TMPRSS11F: variants seen among roughly 807,000 people sequenced by gnomAD.
TMPRSS11F encodes transmembrane protease serine 11F.
In TMPRSS11F, 47 loss-of-function variants were observed where a neutral mutation model predicts 60.2. The ratio of observed to expected loss-of-function variants is 0.78; its 90% CI spans 0.62 to 1.00. TMPRSS11F has a LOEUF of 1.00. Among genes scored for constraint, TMPRSS11F ranks in the 50% least tolerant of loss-of-function variants. The pLI is 0.00. For synonymous variants in TMPRSS11F, 166 were observed against 167.3 expected (o/e 0.99, Z 0.06); for missense variants, 519 against 522.9 (o/e 0.99, Z 0.07).
intron 2 of TMPRSS11F, among the ~76,000 whole-genome samples, chr4:68,095,890 C>A (rs2109869139): frequency 1.1e-5 from 1 of 90,368 alleles, no homozygotes; most frequent in East Asian, 3.0e-4. Flanking sequence ...AGCAAGATTC[C>A]ATCTCAAAAA....
chr4:68,061,980 C>A, intron 8 of TMPRSS11F: 1 of 452,998 alleles, frequency 2.2e-6, no homozygotes, highest in Non-Finnish European at 4.4e-6. Flanking sequence ...TAGAGAGGAA[C>A]TGAGGCACAA....
chr4:68,102,473 C>T (rs1724213251), intron 1 of TMPRSS11F, among the ~76,000 whole-genome samples: 1 of 152,174 alleles, frequency 6.6e-6, no homozygotes, highest in Admixed American at 6.6e-5. Context: ...ATACCCTGGT[C>T]AACATTTGTT....
Position 68,065,095 on chromosome 4 carries a change from T to A in TMPRSS11F, c.756-151A>T, listed in dbSNP as rs112344203. The stretch of plus-strand genomic sequence containing the variant: ...AGTTGATAACATAATAGGAAAAAAA[T>A]TGTTTTTAAATTTATTACAATTAAT... On this transcript the variant is annotated intron_variant, in intron 7 of 9. Coordinates refer to ENST00000356291, the MANE Select transcript of TMPRSS11F (RefSeq NM_207407.2). 1.4e-5 allele frequency: 10 copies of A among 725,848 alleles called. No individual in the cohort carries two copies. In the African/African-American group the frequency reaches 1.8e-4, roughly 13 times the overall value. 45.0% of individuals were successfully genotyped at this position (725,848 alleles called of 1,614,324 possible). A position where few individuals can be genotyped will look rare whatever the true frequency, so the allele number is the denominator to read the frequency against.
At chr4:68,104,258 T>A (rs1215119115) in intron 1 of TMPRSS11F, among the ~76,000 whole-genome samples, 1 of 152,120 alleles carries the variant, frequency 6.6e-6, no homozygotes. Context: ...CTGATTACGA[T>A]ATTGGTTGTA....
rs1409203840 is a variant in TMPRSS11F at position 68,072,484 on chromosome 4, G to A, written c.353C>T (p.Pro118Leu). ...AAGAATATCCACACCTTGTTCATCT[G>A]GACTGAAGAACAAAAAAGCAGATAA... ...FIKSHVIKLS[P>L]DEQGVDILIV... Residue 118 changes from proline (P) to leucine (L), a missense_variant and splice_region_variant, in exon 5 of 10, where the codon CCA becomes CTA. Pro to Leu is a moderately conservative substitution (Grantham distance 98). Transcript: ENST00000356291. 3 of 1,513,002 alleles carry A rather than the reference G, an allele frequency of 2.0e-6. No homozygotes were observed. Among genetic ancestry groups the A allele is most frequent in the Non-Finnish European group, 1.8e-6 (2 of 1,125,966 alleles). The allele number at this position is 1,513,002 out of a possible 1,614,324, so 93.7% of individuals were successfully genotyped here.
chr4:68,114,032 G>A (rs1413214041), intron 1 of TMPRSS11F, among the ~76,000 whole-genome samples: 6 of 151,766 alleles, frequency 4.0e-5, no homozygotes, highest in African/African-American at 1.5e-4. Flanking sequence ...AAATGACTTA[G>A]GAATTAAAAA....
chr4:68,087,797 C>T (rs1286864282), intron 3 of TMPRSS11F, among the ~76,000 whole-genome samples: 1 of 151,280 alleles, frequency 6.6e-6, no homozygotes, highest in African/African-American at 2.4e-5. Context: ...TATACATGTG[C>T]CATGCTGGTG....
chr4:68,125,374 A>C (rs551231114), intron 1 of TMPRSS11F, among the ~76,000 whole-genome samples: 1 of 152,268 alleles, frequency 6.6e-6, no homozygotes, highest in African/African-American at 2.4e-5. Context: ...AAATAAAGAC[A>C]AGTTAATAAT....
At chr4:68,105,909 C>A (rs1002492201) in intron 1 of TMPRSS11F, among the ~76,000 whole-genome samples, 1 of 152,034 alleles carries the variant, frequency 6.6e-6, no homozygotes, top group African/African-American at 2.4e-5. Context: ...AACCACTCAG[C>A]AGAATTAAAA....
At chr4:68,116,449 C>A (rs1724520564) in intron 1 of TMPRSS11F, among the ~76,000 whole-genome samples, 1 of 152,076 alleles carries the variant, frequency 6.6e-6, no homozygotes, top group South Asian at 2.1e-4. Flanking sequence ...CAATGCAATC[C>A]TGTCAAAATC....
chr4:68,084,196 G>A (rs1251305282), intron 3 of TMPRSS11F, among the ~76,000 whole-genome samples: 1 of 151,940 alleles, frequency 6.6e-6, no homozygotes, highest in Non-Finnish European at 1.5e-5. Flanking sequence ...ATGATCCACT[G>A]GCATTCCAGA....
At chr4:68,100,261 C>T (rs1408034226) in intron 1 of TMPRSS11F, among the ~76,000 whole-genome samples, 1 of 152,100 alleles carries the variant, frequency 6.6e-6, no homozygotes, top group Non-Finnish European at 1.5e-5. Context: ...GACTGGGAGT[C>T]TCATAACCCA....
In TMPRSS11F at chr4:68,058,028, A is replaced by G. The variant is rs369356441; in HGVS notation, c.1158+1298T>C. Among the ~76,000 whole-genome samples, 75 of 152,298 alleles carry G rather than the reference A, an allele frequency of 4.9e-4. 2 individuals are homozygous for G. The South Asian group carries it at 0.013, about 26-fold the overall frequency. ...CAATCTAAAAAAGTTGGATTCATAG[A>G]AGTAGAGAGTAGACTGATGATTACC... On this transcript the variant is annotated intron_variant, in intron 9 of 9. Coordinates refer to ENST00000356291, the MANE Select transcript of TMPRSS11F (RefSeq NM_207407.2).
At chr4:68,114,043 G>A (rs893730683) in intron 1 of TMPRSS11F, among the ~76,000 whole-genome samples, 6 of 151,842 alleles carry the variant, frequency 4.0e-5, no homozygotes, top group Middle Eastern at 3.4e-3. Context: ...GAATTAAAAA[G>A]AAGTACAAAA....
intron 8 of TMPRSS11F, chr4:68,062,065 A>G (rs1723191228): frequency 4.0e-5 from 18 of 452,142 alleles, no homozygotes; most frequent in South Asian, 2.7e-4. Flanking sequence ...TCGCCATTAG[A>G]TATGACTTAC....
chr4:68,066,116 C>A (rs1400998514), intron 7 of TMPRSS11F, among the ~76,000 whole-genome samples: 583 of 111,316 alleles, frequency 5.2e-3, no homozygotes, highest in East Asian at 7.2e-3. Context: ...AAGACTGTCT[C>A]AAAAAAAAAA....
chr4:68,120,508 C>A (rs963346543), intron 1 of TMPRSS11F, among the ~76,000 whole-genome samples: 2 of 150,398 alleles, frequency 1.3e-5, no homozygotes, highest in Non-Finnish European at 3.0e-5. Context: ...CCTGCCTCAG[C>A]CTCCCAAGTA....
At chr4:68,072,793 T>A (rs1723508064) in intron 4 of TMPRSS11F, among the ~76,000 whole-genome samples, 1 of 152,140 alleles carries the variant, frequency 6.6e-6, no homozygotes, top group Non-Finnish European at 1.5e-5. Context: ...GTTGGTGAAA[T>A]CATGCTTTAT....
At chr4:68,069,733 G>C (rs954181034) in intron 6 of TMPRSS11F, among the ~76,000 whole-genome samples, 1 of 151,872 alleles carries the variant, frequency 6.6e-6, no homozygotes, top group Non-Finnish European at 1.5e-5. Context: ...AGAATATTAT[G>C]TAAGGTGTTT....
Sources: gnomAD v4.1 joint callset for allele counts (sites outside exome capture counted in the v4.1 genomes callset) on GRCh38, gnomAD v4.1.1 for gene constraint, MANE v1.5 for transcripts, NCBI Gene and HGNC (gene_info 2026-07-23, HGNC 2026-07-21) for gene names.